Variants in SLIT3 observed in about 807,000 individuals in gnomAD.
SLIT3 encodes the protein slit guidance ligand 3, also known as slit homolog 3 protein.
Under a neutral mutation model 184.0 loss-of-function variants are expected in SLIT3, and 68 were observed. The ratio of observed to expected loss-of-function variants is 0.37; its 90% CI spans 0.30 to 0.45. The LOEUF is 0.45. SLIT3 is among the 20% of genes least tolerant of loss of function. The probability of loss-of-function intolerance (pLI) is 1.00; values close to 1 mark genes in which losing one functional copy is unlikely to be tolerated. For missense variants in SLIT3, 1,707 were observed against 2,026.0 expected, an observed-to-expected ratio of 0.84 and a Z score of 3.02; for synonymous variants, 831 against 828.6, an observed-to-expected ratio of 1.00 and a Z score of -0.05.
Position 168,749,471 on chromosome 5 carries a change from C to T in SLIT3, c.2137+1G>A. The T allele has an allele frequency of 6.2e-7, 1 of 1,614,088 alleles. No individual in the cohort carries two copies. The highest frequency in any genetic ancestry group is 8.5e-7 in the Non-Finnish European group (1 of 1,179,984). ...CAGACCTTGACCCACAGCCTTCTTA[C>T]CATCACAGGTGAAGTCCTGGATGGC... is the stretch of plus-strand genomic sequence containing the variant. On this transcript the variant is annotated splice_donor_variant, in intron 19 of 35. Transcript: ENST00000519560. LOFTEE classifies it high-confidence loss of function.
At chr5:169,166,736 G>T (rs1417066363) in intron 4 of SLIT3, among the ~76,000 whole-genome samples, 1 of 152,168 alleles carries the variant, frequency 6.6e-6, no homozygotes, top group Non-Finnish European at 1.5e-5. Context: ...ACAGGTGAGA[G>T]TAACTCCAGA....
chr5:169,239,391 A>C (rs1460570874), intron 3 of SLIT3, among the ~76,000 whole-genome samples: 1 of 152,152 alleles, frequency 6.6e-6, no homozygotes, highest in Non-Finnish European at 1.5e-5. Flanking sequence ...GTTTGTATTA[A>C]GTTGCTATAC....
intron 3 of SLIT3, among the ~76,000 whole-genome samples, chr5:169,230,682 G>A (rs1764972704): frequency 6.6e-6 from 1 of 152,072 alleles, no homozygotes; most frequent in African/African-American, 2.4e-5. Context: ...TGTAAGAGGA[G>A]GAAATTGGAT....
chr5:169,136,329 C>T (rs1016273508), intron 4 of SLIT3, among the ~76,000 whole-genome samples: 4 of 152,166 alleles, frequency 2.6e-5, no homozygotes, highest in Admixed American at 1.3e-4. Flanking sequence ...GCCTGCTACC[C>T]TGCCCATTAA....
chr5:168,897,471 GAC>G (rs1760708357), intron 4 of SLIT3, among the ~76,000 whole-genome samples: 1 of 152,054 alleles, frequency 6.6e-6, no homozygotes, highest in Admixed American at 6.6e-5. Context: ...GAGGGAGACT[GAC>G]ACAGTGGGAC....
At chr5:169,042,707 T>C (rs1757486866) in intron 4 of SLIT3, among the ~76,000 whole-genome samples, 2 of 152,214 alleles carry the variant, frequency 1.3e-5, no homozygotes, top group Admixed American at 1.3e-4. Flanking sequence ...GGGCATTTTG[T>C]TGTTTGTTTG....
intron 4 of SLIT3, among the ~76,000 whole-genome samples, chr5:168,889,826 TA>T (rs1760376766): frequency 6.6e-6 from 1 of 152,084 alleles, no homozygotes. Flanking sequence ...TCTACAAATA[TA>T]AAATAAACAT....
At chr5:169,183,696 A>C (rs1307310555) in intron 4 of SLIT3, among the ~76,000 whole-genome samples, 1 of 152,206 alleles carries the variant, frequency 6.6e-6, no homozygotes, top group Non-Finnish European at 1.5e-5. Context: ...GAAATCACTT[A>C]AGCCACCCTT....
At chr5:169,062,020 T>A (rs1012816437) in intron 4 of SLIT3, among the ~76,000 whole-genome samples, 1 of 151,900 alleles carries the variant, frequency 6.6e-6, no homozygotes, top group African/African-American at 2.4e-5. Flanking sequence ...CCGTCTCTAC[T>A]AAAAACACAA....
chr5:168,787,842 G>T (rs1756213154), intron 11 of SLIT3, among the ~76,000 whole-genome samples: 1 of 152,140 alleles, frequency 6.6e-6, no homozygotes, highest in African/African-American at 2.4e-5. Context: ...CTCCTGAGCT[G>T]GGATTGTGTG....
chr5:168,759,194 T>C (rs1402323670), intron 16 of SLIT3, among the ~76,000 whole-genome samples: 1 of 152,218 alleles, frequency 6.6e-6, no homozygotes, highest in Non-Finnish European at 1.5e-5. Context: ...TTATGTTGTA[T>C]ACAGTTGCTG....
intron 4 of SLIT3, among the ~76,000 whole-genome samples, chr5:169,145,925 C>T (rs1318025624): frequency 1.3e-5 from 2 of 152,146 alleles, no homozygotes; most frequent in Non-Finnish European, 2.9e-5. Context: ...GCACACACAA[C>T]CTGTAGTCCC....
At chr5:169,124,051 A>G (rs1483241531) in intron 4 of SLIT3, among the ~76,000 whole-genome samples, 1 of 152,162 alleles carries the variant, frequency 6.6e-6, no homozygotes, top group African/African-American at 2.4e-5. Context: ...ATCATTAGGC[A>G]TCCACTTAAC....
intron 4 of SLIT3, among the ~76,000 whole-genome samples, chr5:168,938,025 G>A (rs974831430): frequency 4.6e-5 from 7 of 151,974 alleles, no homozygotes; most frequent in African/African-American, 1.5e-4. Context: ...TAGATACTGC[G>A]GATCTGTATA....
chr5:168,957,143 C>T (rs1217844145), intron 4 of SLIT3, among the ~76,000 whole-genome samples: 2 of 150,818 alleles, frequency 1.3e-5, no homozygotes, highest in East Asian at 2.0e-4. Context: ...GCAGGAGAAT[C>T]GCTGGAACCT....
At chr5:169,234,673 G>T (rs1301521162) in intron 3 of SLIT3, among the ~76,000 whole-genome samples, 3 of 152,104 alleles carry the variant, frequency 2.0e-5, no homozygotes, top group Non-Finnish European at 4.4e-5. Context: ...CTCCCAAAGT[G>T]CTGGGATTAC....
At chr5:169,203,338 T>C (rs1166724854) in intron 3 of SLIT3, among the ~76,000 whole-genome samples, 1 of 143,606 alleles carries the variant, frequency 7.0e-6, no homozygotes, top group Non-Finnish European at 1.5e-5. Flanking sequence ...TATTTATGCG[T>C]GCATGTGAAT....
chr5:169,271,913 A>G lies in SLIT3; in HGVS notation c.198-20454T>C, dbSNP rs572161715. On this transcript the variant is annotated intron_variant, in intron 1 of 35. Transcript: ENST00000519560. ...CAGACTAGGCTTCCAGGGTATCCCA[A>G]GGGACATCTGGGTCCATAGACTCGT... Among the ~76,000 whole-genome samples, 4 of 152,322 alleles carry G rather than the reference A, an allele frequency of 2.6e-5. No homozygotes were observed. The South Asian group carries it at 6.2e-4, about 24-fold the overall frequency.
chr5:168,668,697 C>T (rs1042584527), intron 35 of SLIT3, among the ~76,000 whole-genome samples: 1 of 152,194 alleles, frequency 6.6e-6, no homozygotes, highest in Non-Finnish European at 1.5e-5. Context: ...AATCCTTGCA[C>T]CTCGGCCTCC....
Sources: gnomAD v4.1 joint callset for allele counts (sites outside exome capture counted in the v4.1 genomes callset) on GRCh38, gnomAD v4.1.1 for gene constraint, MANE v1.5 for transcripts, NCBI Gene and HGNC (gene_info 2026-07-23, HGNC 2026-07-21) for gene names.